Variants in LAMC3 observed in about 807,000 individuals in gnomAD.
LAMC3 encodes the protein laminin subunit gamma-3.
In LAMC3, 128 loss-of-function variants were observed where a neutral mutation model predicts 173.8. That is an observed-to-expected ratio of 0.74 (90% confidence interval 0.64 to 0.85). LAMC3 has a LOEUF of 0.85. Ranked by LOEUF, LAMC3 falls within the 40% of genes least tolerant of loss-of-function variation. The pLI is 0.00. For missense variants in LAMC3, 2,022 were observed against 2,156.0 expected (o/e 0.94, Z 1.23); for synonymous variants, 897 against 909.1 (o/e 0.99, Z 0.24).
At chr9:131,042,141 T>C (rs1402701447) in intron 7 of LAMC3, among the ~76,000 whole-genome samples, 1 of 151,938 alleles carries the variant, frequency 6.6e-6, no homozygotes, top group African/African-American at 2.4e-5. Context: ...ACTGCAGACA[T>C]AGCTAATGGA....
chr9:131,064,555 C>T (rs941044505), intron 13 of LAMC3, among the ~76,000 whole-genome samples: 3 of 150,444 alleles, frequency 2.0e-5, no homozygotes, highest in Non-Finnish European at 4.4e-5. Flanking sequence ...CCCAGCTACG[C>T]GGGAGGCTGA....
chr9:131,021,263 C>G (rs1833618707), intron 1 of LAMC3: 1 of 152,134 alleles, frequency 6.6e-6, no homozygotes, highest in South Asian at 2.1e-4. Flanking sequence ...GTAGTGGAAA[C>G]CTTAGCAGAC....
rs1386013127 is a variant in LAMC3 at position 131,049,203 on chromosome 9, T to TTAGA, written c.1630+74_1630+77dup. On this transcript the variant is annotated intron_variant, in intron 9 of 27. Transcript: ENST00000361069. ...CTGCTGCTAAACAACTTGCCGCATA[T>TTAGA]TAGAGGCTGAAAACAATGCCAGTTT... 6 of 869,448 alleles carry TTAGA rather than the reference T, an allele frequency of 6.9e-6. No homozygotes were observed. The African/African-American group carries it at 1.0e-4, about 14-fold the overall frequency. The allele number at this position is 869,448 out of a possible 1,614,324, so 53.9% of individuals were successfully genotyped here. A position where few individuals can be genotyped will look rare whatever the true frequency, so the allele number is the denominator to read the frequency against.
intron 2 of LAMC3, among the ~76,000 whole-genome samples, chr9:131,027,436 C>T (rs1349784246): frequency 6.6e-6 from 1 of 152,106 alleles, no homozygotes; most frequent in Admixed American, 6.5e-5. Context: ...GGAACATGGG[C>T]TTTGGAGTCA....
chr9:131,068,881 C>A (rs1588162223), intron 15 of LAMC3, 27 bp from the exon 16 acceptor site: 1 of 1,613,566 alleles, frequency 6.2e-7, no homozygotes, highest in East Asian at 2.2e-5. Context: ...GAGCTTGCCT[C>A]AGACCCAGTT....
Position 131,044,434 on chromosome 9 carries a change from C to T in LAMC3, c.1383-1090C>T, listed in dbSNP as rs542986313. ...CTGAGGCAGGACAATTGTTTGAACC[C>T]GGGAGACAGAGGTTACAGTGAGCTG... On this transcript the variant is annotated intron_variant, in intron 7 of 27. Transcript: ENST00000361069. Among the ~76,000 whole-genome samples the T allele has an allele frequency of 3.3e-5, 5 of 152,172 alleles. No individual in the cohort carries two copies. In the South Asian group the frequency reaches 8.3e-4, roughly 25 times the overall value.
intron 21 of LAMC3, among the ~76,000 whole-genome samples, chr9:131,076,715 T>G (rs1002492814): frequency 2.0e-5 from 3 of 152,194 alleles, no homozygotes; most frequent in South Asian, 2.1e-4. Flanking sequence ...ACCACAGGCC[T>G]GTCAGGGCAA....
intron 8 of LAMC3, among the ~76,000 whole-genome samples, chr9:131,047,566 CTG>C (rs1162028392): frequency 1.1e-4 from 16 of 148,266 alleles, no homozygotes; most frequent in African/African-American, 3.2e-4. Flanking sequence ...GAAATGGAAA[CTG>C]TGGCTGGGCG....
At chr9:131,019,746 G>A (rs1833594841) in intron 1 of LAMC3, among the ~76,000 whole-genome samples, 1 of 152,108 alleles carries the variant, frequency 6.6e-6, no homozygotes, top group African/African-American at 2.4e-5. Context: ...AGGAGTCCAT[G>A]GAGCCCCAGA....
rs752139262 is a variant in LAMC3 at position 131,068,065 on chromosome 9, C to G, written c.2594-13C>G. The G allele has an allele frequency of 6.2e-7, 1 of 1,608,518 alleles. No homozygotes were observed. Among genetic ancestry groups the G allele is most frequent in the South Asian group, 1.1e-5 (1 of 91,084 alleles). On this transcript the variant is annotated splice_polypyrimidine_tract_variant and intron_variant, in intron 14 of 27. Transcript: ENST00000361069. ...GCATTGTTCCCAACACCCCTTCCTG[C>G]TCCTGCCCCCAGCTTGCAGCTGTCA...
chr9:131,056,086 C>T (rs182490372), intron 11 of LAMC3, among the ~76,000 whole-genome samples: 1 of 152,208 alleles, frequency 6.6e-6, no homozygotes, highest in Admixed American at 6.5e-5. Flanking sequence ...GTCTCAGCTA[C>T]TTGAGCGGCT....
chr9:131,081,100 T>C (rs994895369), intron 23 of LAMC3, among the ~76,000 whole-genome samples: 1 of 152,192 alleles, frequency 6.6e-6, no homozygotes, highest in Non-Finnish European at 1.5e-5. Context: ...CTCTGTTCTC[T>C]GTCTCTGTAG....
At chr9:131,082,546 G>A (rs1830260642) in intron 24 of LAMC3, among the ~76,000 whole-genome samples, 2 of 152,186 alleles carry the variant, frequency 1.3e-5, no homozygotes, top group African/African-American at 4.8e-5. Flanking sequence ...GGAAGCAGAT[G>A]GAGTTTCTCT....
Position 131,026,750 on chromosome 9 carries a change from C to G in LAMC3, c.678+161C>G, listed in dbSNP as rs1045367054. 1.3e-5 allele frequency among the ~76,000 whole-genome samples: 2 copies of G among 152,140 alleles called. No individual in the cohort carries two copies. The highest frequency in any genetic ancestry group is 2.9e-5 in the Non-Finnish European group (2 of 68,022). Reference sequence around the variant, plus strand: ...TTGGAGACTGAGTCTTGCTCTGTCGCCCAGGCTGGAGTGCAGTGACGCGAT... The same window carrying G: ...TTGGAGACTGAGTCTTGCTCTGTCGGCCAGGCTGGAGTGCAGTGACGCGAT... On this transcript the variant is annotated intron_variant, in intron 2 of 27. Coordinates refer to ENST00000361069, the MANE Select transcript of LAMC3 (RefSeq NM_006059.4). The surrounding 1 kb of genome is among the most constrained non-coding windows in gnomAD (Gnocchi z 4.8).
At chr9:131,020,052 T>G (rs988758134) in intron 1 of LAMC3, among the ~76,000 whole-genome samples, 3 of 152,112 alleles carry the variant, frequency 2.0e-5, no homozygotes, top group African/African-American at 7.2e-5. Context: ...ACGAAGAGGC[T>G]TATTTTGGGA....
Position 131,009,351 on chromosome 9 carries a change from G to A in LAMC3, c.137G>A (p.Arg46Gln), listed in dbSNP as rs1413795579. The change falls in exon 1 of 28, where the codon CGG (arginine) becomes CAG (glutamine). Residue 46 changes from arginine to glutamine, a missense_variant. Physicochemically the swap from Arg to Gln is conservative, Grantham distance 43 (BLOSUM62 1). Coordinates refer to ENST00000361069, the MANE Select transcript of LAMC3 (RefSeq NM_006059.4). This position sits in a 1 kb window ranked among gnomAD's most constrained non-coding sequence, Gnocchi z 4.3. ...GTGTTCGAGAACGCGGCGTTTGGGC[G>A]GCTCGCCCAGGCCTCGCACACGTGC... ...LPVFENAAFG[R>Q]LAQASHTCGS... The A allele has an allele frequency of 1.3e-6, 2 of 1,499,394 alleles. No individual in the cohort carries two copies. Among genetic ancestry groups the A allele is most frequent in the East Asian group, 2.8e-5 (1 of 35,782 alleles). The allele number at this position is 1,499,394 out of a possible 1,614,324, so 92.9% of individuals were successfully genotyped here.
chr9:131,039,011 A>G lies in LAMC3; in HGVS notation c.1124A>G (p.Asp375Gly). The G allele has an allele frequency of 5.0e-6, 8 of 1,613,448 alleles. No individual in the cohort carries two copies. Among genetic ancestry groups the G allele is most frequent in the African/African-American group, 1.3e-5 (1 of 74,988 alleles). ...ERCQENFYHW[D>G]PRMPCQPCDC... ...TGTCAGGAGAATTTCTATCACTGGG[A>G]CCCGCGGATGCCATGCCAGCCCTGT... Residue 375 changes from aspartate (D) to glycine (G), a missense_variant, in exon 5 of 28, where the codon GAC becomes GGC. Coordinates refer to ENST00000361069, the MANE Select transcript of LAMC3 (RefSeq NM_006059.4).
chr9:131,088,290 C>T (rs1025744300), intron 27 of LAMC3, among the ~76,000 whole-genome samples: 7 of 152,174 alleles, frequency 4.6e-5, no homozygotes, highest in African/African-American at 1.7e-4. Context: ...GCAAGCCACT[C>T]CACCTCTCTG....
intron 18 of LAMC3, 136 bp from the exon 19 acceptor site, chr9:131,072,494 C>A: frequency 1.3e-6 from 1 of 757,538 alleles, no homozygotes; most frequent in South Asian, 1.5e-5. Context: ...GGTACTCTGC[C>A]TTTGGGACTA....
Sources: allele counts gnomAD v4.1 joint callset (sites outside exome capture counted in the v4.1 genomes callset), GRCh38; gene constraint gnomAD v4.1.1; non-coding constraint Gnocchi (gnomAD v3.1); transcripts MANE v1.5; gene names NCBI Gene and HGNC (gene_info 2026-07-23, HGNC 2026-07-21).